ANO5: variants seen among roughly 807,000 people sequenced by gnomAD.
The protein encoded by ANO5 is anoctamin 5.
ANO5 carries 109 observed loss-of-function variants against 121.0 expected under a neutral mutation model. That is an observed-to-expected ratio of 0.90 (90% CI 0.77 to 1.06). ANO5 has a LOEUF of 1.06. Among genes scored for constraint, ANO5 ranks in the 50% least tolerant of loss-of-function variants. The pLI is 0.00. For missense variants in ANO5, 1,064 were observed against 1,078.5 expected, an observed-to-expected ratio of 0.99 and a Z score of 0.19; for synonymous variants, 406 against 359.9, an observed-to-expected ratio of 1.13 and a Z score of -1.45.
chr11:22,227,785 T>A (rs1377453614), intron 7 of ANO5, among the ~76,000 whole-genome samples, 199 bp downstream of exon 7: 1 of 152,050 alleles, frequency 6.6e-6, no homozygotes, highest in African/African-American at 2.4e-5. Context: ...AAACTGTTGT[T>A]TAAAAGTGAG....
Position 22,236,303 on chromosome 11 carries a change from C to T in ANO5, c.762+27C>T, listed in dbSNP as rs1564928780. On this transcript the variant is annotated intron_variant, in intron 8 of 21. Transcript: ENST00000324559. ...TATGTATAGGTTTGATTGTGAAAAT[C>T]TGAGCTTATTTTCCTCCTGCCATGT... 4 of 1,554,866 alleles carry T rather than the reference C, an allele frequency of 2.6e-6. No homozygotes were observed. The South Asian group carries it at 3.3e-5, about 13-fold the overall frequency.
chr11:22,268,362 A>G (rs1054771659), intron 17 of ANO5, among the ~76,000 whole-genome samples: 17 of 152,078 alleles, frequency 1.1e-4, no homozygotes, highest in Non-Finnish European at 2.9e-5. Context: ...AAACTTCTAC[A>G]TATAGGTCTT....
chr11:22,212,298 T>G (rs956299792), intron 3 of ANO5, among the ~76,000 whole-genome samples: 4 of 151,894 alleles, frequency 2.6e-5, no homozygotes, highest in African/African-American at 9.7e-5. Flanking sequence ...GTTGAAAATA[T>G]GAAACAAAGT....
intron 9 of ANO5, 28 bp downstream of exon 9, chr11:22,239,712 A>AT (rs750062897): frequency 1.3e-6 from 2 of 1,502,322 alleles, no homozygotes; most frequent in Non-Finnish European, 1.9e-6. Context: ...GATCAGACCA[A>AT]TTAAAACTTG....
In ANO5 at chr11:22,222,961, T is replaced by C. The variant is rs554492485; in HGVS notation, c.294+1751T>C. On this transcript the variant is annotated intron_variant, in intron 5 of 21. Coordinates refer to ENST00000324559, the MANE Select transcript of ANO5 (RefSeq NM_213599.3). ...CTTCAAGCTTAGCTGATCATATTTT[T>C]CTGTTTCATTGAGAAAACTGAAGCA... Among the ~76,000 whole-genome samples the C allele has an allele frequency of 1.4e-3, 215 of 152,204 alleles. 1 individual carries two copies. The highest frequency in any genetic ancestry group is 2.6e-3 in the Admixed American group (39 of 15,252).
At chr11:22,256,791 A>G (rs554370505) in intron 13 of ANO5, among the ~76,000 whole-genome samples, 1 of 152,198 alleles carries the variant, frequency 6.6e-6, no homozygotes, top group East Asian at 1.9e-4. Context: ...TTTAAGGACG[A>G]CCAGAACTGT....
intron 19 of ANO5, among the ~76,000 whole-genome samples, chr11:22,273,476 G>T (rs183251266): frequency 9.5e-4 from 145 of 152,114 alleles, no homozygotes; most frequent in Non-Finnish European, 1.5e-3. Context: ...TTTTAAGTAG[G>T]CATCCTATAA....
At chr11:22,272,301 G>A (rs1027259122) in intron 18 of ANO5, among the ~76,000 whole-genome samples, 10 of 41,470 alleles carry the variant, frequency 2.4e-4, no homozygotes, top group Non-Finnish European at 4.3e-4. Flanking sequence ...TTCCTTTTCC[G>A]GCACACACAC....
intron 1 of ANO5, among the ~76,000 whole-genome samples, chr11:22,201,337 AAGAT>A (rs1458818558): frequency 6.6e-6 from 1 of 152,212 alleles, no homozygotes; most frequent in African/African-American, 2.4e-5. Context: ...TGCGGATAAA[AAGAT>A]AGTAATTAAA....
intron 2 of ANO5, among the ~76,000 whole-genome samples, chr11:22,206,711 C>T (rs1852133592): frequency 2.0e-5 from 3 of 152,174 alleles, no homozygotes; most frequent in Admixed American, 2.0e-4. Flanking sequence ...CAAAATTTAA[C>T]TTCCATTTAT....
chr11:22,262,303 G>C lies in ANO5; in HGVS notation c.1800+5G>C. 3 of 1,613,172 alleles carry C rather than the reference G, an allele frequency of 1.9e-6. No individual in the cohort carries two copies. The highest frequency in any genetic ancestry group is 2.5e-6 in the Non-Finnish European group (3 of 1,179,596). ...AATGAGTGGAGAAGTGAAGAGGTAAGAATTTCCTTGAGAGTTGAGGTGTGT... is the reference window on the plus strand; with the variant it reads ...AATGAGTGGAGAAGTGAAGAGGTAACAATTTCCTTGAGAGTTGAGGTGTGT... On this transcript the variant is annotated splice_donor_5th_base_variant and intron_variant, in intron 16 of 21. Transcript: ENST00000324559.
intron 1 of ANO5, among the ~76,000 whole-genome samples, chr11:22,200,312 T>C (rs1387184683): frequency 6.6e-6 from 1 of 152,174 alleles, no homozygotes; most frequent in East Asian, 1.9e-4. Context: ...CAGGTCTGTA[T>C]GACTCTATAT....
chr11:22,228,147 G>T (rs1341679291), intron 7 of ANO5, among the ~76,000 whole-genome samples: 1 of 151,874 alleles, frequency 6.6e-6, no homozygotes, highest in African/African-American at 2.4e-5. Context: ...TCATGGTTTT[G>T]TGCCACTGTT....
At position 22,282,169 on chromosome 11, in the gene ANO5, C is replaced by G. The variant is rs1435955397; in HGVS notation, c.*2404C>G. 1 of 152,028 alleles carries G rather than the reference C, an allele frequency of 6.6e-6. No homozygotes were observed. The highest frequency in any genetic ancestry group is 2.4e-5 in the African/African-American group (1 of 41,404). The allele number at this position is 152,028 out of a possible 1,614,324, so 9.4% of individuals were successfully genotyped here. On this transcript the variant is annotated 3_prime_UTR_variant, in exon 22 of 22. Transcript: ENST00000324559. ...ATGGCAGGTGATTTTATCTGCTGACCAAGCGCATAGTTTTGTTTTGTTTTC... is the reference window on the plus strand; with the variant it reads ...ATGGCAGGTGATTTTATCTGCTGACGAAGCGCATAGTTTTGTTTTGTTTTC...
chr11:22,226,226 C>T (rs1182045231), intron 6 of ANO5, among the ~76,000 whole-genome samples, 174 bp downstream of exon 6: 1 of 151,990 alleles, frequency 6.6e-6, no homozygotes. Context: ...TAGATGAGTA[C>T]TGTGAATATG....
intron 21 of ANO5, among the ~76,000 whole-genome samples, chr11:22,278,248 A>C (rs540926935): frequency 6.6e-6 from 1 of 151,614 alleles, no homozygotes; most frequent in Non-Finnish European, 1.5e-5. Flanking sequence ...CTATTTGTCA[A>C]TATTCATTGT....
At chr11:22,250,412 A>G (rs374512469) in intron 10 of ANO5, 41 bp downstream of exon 10, 4 of 1,609,920 alleles carry the variant, frequency 2.5e-6, no homozygotes, top group Non-Finnish European at 3.4e-6. Context: ...AAACATCTTT[A>G]TCTTGTGCCA....
At position 22,270,456 on chromosome 11, in the gene ANO5, A is replaced by G. The variant is rs757385330; in HGVS notation, c.2029+14A>G. 2 of 1,613,892 alleles carry G rather than the reference A, an allele frequency of 1.2e-6. No individual in the cohort carries two copies. Among genetic ancestry groups the G allele is most frequent in the Non-Finnish European group, 1.7e-6 (2 of 1,179,880 alleles). ...ACTTAGAAACAGGTAATTTTTAACC[A>G]CTGTTTTGAAACATAGAGTTGGCAT... On this transcript the variant is annotated intron_variant, in intron 18 of 21. Transcript: ENST00000324559.
intron 4 of ANO5, among the ~76,000 whole-genome samples, chr11:22,219,417 G>A (rs1025917096): frequency 2.6e-5 from 4 of 151,876 alleles, no homozygotes; most frequent in African/African-American, 9.7e-5. Flanking sequence ...ACTGTTCTTT[G>A]TGTACCCAGA....
Sources: gnomAD v4.1 joint callset for allele counts (sites outside exome capture counted in the v4.1 genomes callset) on GRCh38, gnomAD v4.1.1 for gene constraint, MANE v1.5 for transcripts, NCBI Gene and HGNC (gene_info 2026-07-23, HGNC 2026-07-21) for gene names.